SPAG17: variants seen among roughly 807,000 people sequenced by gnomAD.
SPAG17 encodes sperm-associated antigen 17.
Under a neutral mutation model 273.6 loss-of-function variants are expected in SPAG17, and 169 were observed. The observed-to-expected ratio is 0.62, with a 90% CI of 0.55 to 0.70. The LOEUF (loss-of-function observed/expected upper bound fraction) is 0.70. SPAG17 is among the 30% of genes least tolerant of loss of function. The pLI is 0.00. For missense variants in SPAG17, 2,557 were observed against 2,627.8 expected (o/e 0.97, Z 0.59); for synonymous variants, 825 against 873.2 (o/e 0.94, Z 0.97).
intron 22 of SPAG17, among the ~76,000 whole-genome samples, 171 bp from the exon 23 acceptor site, chr1:118,039,615 G>A (rs1649502866): frequency 6.6e-6 from 1 of 152,100 alleles, no homozygotes; most frequent in South Asian, 2.1e-4. Context: ...TGAACACAAA[G>A]AAGAGAACAA....
intron 18 of SPAG17, among the ~76,000 whole-genome samples, chr1:118,065,378 T>G (rs776683428): frequency 6.6e-6 from 1 of 152,122 alleles, no homozygotes; most frequent in African/African-American, 2.4e-5. Context: ...CAAAGGAACA[T>G]ATACCTTAAT....
At chr1:118,176,088 C>T (rs1660683891) in intron 1 of SPAG17, among the ~76,000 whole-genome samples, 1 of 151,734 alleles carries the variant, frequency 6.6e-6, no homozygotes, top group East Asian at 1.9e-4. Context: ...AGCCACAAGG[C>T]AAAAACCTAT....
chr1:118,129,678 A>C, intron 3 of SPAG17, among the ~76,000 whole-genome samples: 8 of 126,434 alleles, frequency 6.3e-5, no homozygotes, highest in South Asian at 2.7e-4. Flanking sequence ...TTCTTTCTCT[A>C]CCTTCTTCTT....
At chr1:118,122,165 G>A (rs1191307499) in intron 3 of SPAG17, among the ~76,000 whole-genome samples, 1 of 152,052 alleles carries the variant, frequency 6.6e-6, no homozygotes, top group African/African-American at 2.4e-5. Context: ...GTGTGTGTGT[G>A]TGTGTGTGTG....
intron 38 of SPAG17, among the ~76,000 whole-genome samples, chr1:117,989,533 C>T (rs912746626): frequency 1.3e-5 from 2 of 152,004 alleles, no homozygotes; most frequent in Admixed American, 6.6e-5. Flanking sequence ...CCAAACACCT[C>T]CCATTAGGCC....
At chr1:118,154,373 C>T (rs1337711737) in intron 1 of SPAG17, among the ~76,000 whole-genome samples, 1 of 152,164 alleles carries the variant, frequency 6.6e-6, no homozygotes, top group East Asian at 1.9e-4. Context: ...ATAACACAAA[C>T]TGAGAATGCC....
intron 42 of SPAG17, among the ~76,000 whole-genome samples, chr1:117,983,356 C>G (rs1394877235): frequency 6.6e-6 from 1 of 152,130 alleles, no homozygotes; most frequent in Admixed American, 6.6e-5. Context: ...CAAACCATAT[C>G]AAGGATCTAT....
intron 4 of SPAG17, among the ~76,000 whole-genome samples, chr1:118,110,940 T>C (rs1433874881): frequency 6.6e-6 from 1 of 152,174 alleles, no homozygotes; most frequent in African/African-American, 2.4e-5. Context: ...AGTAGCTGTT[T>C]GGCCTTGGGA....
intron 28 of SPAG17, among the ~76,000 whole-genome samples, chr1:118,020,893 A>G (rs1293239897): frequency 1.3e-5 from 2 of 152,180 alleles, no homozygotes; most frequent in Non-Finnish European, 2.9e-5. Flanking sequence ...CAAATTTAGT[A>G]TATTTAGTGC....
intron 3 of SPAG17, among the ~76,000 whole-genome samples, chr1:118,115,910 T>C (rs924075835): frequency 2.0e-5 from 3 of 152,356 alleles, no homozygotes; most frequent in Non-Finnish European, 2.9e-5. Context: ...TATTTCTTTG[T>C]AACTAAATTC....
In SPAG17 at chr1:118,131,115, G is replaced by A. The variant is rs553816878; in HGVS notation, c.316-15674C>T. ...CTTCCTTAGGATATAGATTCCTTAG[G>A]ATTAGACTCTGAACCCAGCACTCAT... is the stretch of plus-strand genomic sequence containing the variant. On this transcript the variant is annotated intron_variant, in intron 3 of 48. Coordinates refer to ENST00000336338, the MANE Select transcript of SPAG17 (RefSeq NM_206996.4). Among the ~76,000 whole-genome samples the A allele has an allele frequency of 4.8e-4, 73 of 152,326 alleles. 1 individual carries two copies. In the South Asian group the frequency reaches 0.014, roughly 30 times the overall value.
At chr1:118,057,430 T>G (rs2102010063) in intron 18 of SPAG17, among the ~76,000 whole-genome samples, 1 of 152,244 alleles carries the variant, frequency 6.6e-6, no homozygotes, top group East Asian at 1.9e-4. Flanking sequence ...TTTCCTCTGC[T>G]CAGACCTTTT....
chr1:118,016,247 C>A, intron 28 of SPAG17, 65 bp from the exon 29 acceptor site: 1 of 1,308,698 alleles, frequency 7.6e-7, no homozygotes, highest in South Asian at 1.3e-5. Flanking sequence ...ATACATCATT[C>A]ACTATGTTTT....
chr1:117,979,421 A>G (rs1349235249), intron 43 of SPAG17, among the ~76,000 whole-genome samples: 1 of 152,068 alleles, frequency 6.6e-6, no homozygotes, highest in Non-Finnish European at 1.5e-5. Context: ...CCCTCATGAT[A>G]TAGTTCCTAT....
intron 3 of SPAG17, among the ~76,000 whole-genome samples, chr1:118,147,852 C>T (rs993759161): frequency 2.0e-5 from 3 of 152,190 alleles, no homozygotes; most frequent in Admixed American, 2.0e-4. Context: ...TATTTTACTA[C>T]TCATGGATGA....
intron 3 of SPAG17, among the ~76,000 whole-genome samples, chr1:118,116,370 T>G (rs552951918): frequency 6.6e-6 from 1 of 152,226 alleles, no homozygotes; most frequent in Admixed American, 6.5e-5. Context: ...GCAAGCATCA[T>G]ATTTATTTAT....
At chr1:117,970,176 A>C in intron 45 of SPAG17, 60 bp from the exon 46 acceptor site, 1 of 1,514,992 alleles carries the variant, frequency 6.6e-7, no homozygotes, top group Non-Finnish European at 9.1e-7. Context: ...AGCAATGAAT[A>C]AGCTGGGATG....
At position 117,963,839 on chromosome 1, in the gene SPAG17, G is replaced by A. The variant is rs1188301898; in HGVS notation, c.6632C>T (p.Thr2211Ile). 2.9e-5 allele frequency: 46 copies of A among 1,613,620 alleles called. No homozygotes were observed. Among genetic ancestry groups the A allele is most frequent in the Non-Finnish European group, 3.6e-5 (42 of 1,179,692 alleles). ...TTTACGAGACATGAAGACTCCAAGTGTGGAGGAATAAATTGTAGAAGTTCT... is the reference window on the plus strand; with the variant it reads ...TTTACGAGACATGAAGACTCCAAGTATGGAGGAATAAATTGTAGAAGTTCT... ...VQRTSTIYSS[T>I]LGVFMSRKVS... The change falls in exon 48 of 49, where the codon ACA becomes ATA. Residue 2211 changes from threonine (T) to isoleucine (I), a missense_variant. Coordinates refer to ENST00000336338, the MANE Select transcript of SPAG17 (RefSeq NM_206996.4).
At chr1:117,996,989 A>T (rs1233325934) in intron 32 of SPAG17, among the ~76,000 whole-genome samples, 1 of 152,150 alleles carries the variant, frequency 6.6e-6, no homozygotes, top group East Asian at 1.9e-4. Flanking sequence ...GAATGAAGTG[A>T]ATAGGATGGG....
Sources: gnomAD v4.1 joint callset for allele counts (sites outside exome capture counted in the v4.1 genomes callset) on GRCh38, gnomAD v4.1.1 for gene constraint, MANE v1.5 for transcripts, NCBI Gene and HGNC (gene_info 2026-07-23, HGNC 2026-07-21) for gene names.